The following ADAMTS3 variants were observed in gnomAD, a reference collection of about 807,000 sequenced individuals.
ADAMTS3 encodes the protein ADAM metallopeptidase with thrombospondin type 1 motif 3.
ADAMTS3 carries 73 observed loss-of-function variants against 129.0 expected under a neutral mutation model. That is an observed-to-expected ratio of 0.57 (90% confidence interval 0.47 to 0.69). The LOEUF (loss-of-function observed/expected upper bound fraction) is 0.69. ADAMTS3 is among the 30% of genes least tolerant of loss of function. The pLI is 0.00. For missense variants in ADAMTS3, 1,457 were observed against 1,514.5 expected (o/e 0.96, Z 0.63); for synonymous variants, 477 against 510.8 (o/e 0.93, Z 0.89).
At chr4:72,290,035 C>G (rs1230805253) in intron 20 of ADAMTS3, among the ~76,000 whole-genome samples, 1 of 152,176 alleles carries the variant, frequency 6.6e-6, no homozygotes, top group African/African-American at 2.4e-5. Flanking sequence ...CTCCTATAAA[C>G]TATTCTCCTA....
intron 3 of ADAMTS3, among the ~76,000 whole-genome samples, chr4:72,436,302 T>A (rs1054616475): frequency 3.3e-5 from 5 of 152,154 alleles, no homozygotes; most frequent in African/African-American, 1.2e-4. Flanking sequence ...AAAACCATAA[T>A]GAGATACCAT....
chr4:72,412,556 A>T (rs2109923187), intron 4 of ADAMTS3, among the ~76,000 whole-genome samples: 2 of 152,180 alleles, frequency 1.3e-5, no homozygotes, highest in South Asian at 4.1e-4. Context: ...TGCACTTCTA[A>T]CATATATGGT....
intron 4 of ADAMTS3, among the ~76,000 whole-genome samples, chr4:72,405,635 C>T (rs1722031674): frequency 6.6e-6 from 1 of 151,994 alleles, no homozygotes; most frequent in Admixed American, 6.6e-5. Context: ...AGTCATTAGT[C>T]TGGATTAGTG....
At chr4:72,388,297 G>A (rs1721498646) in intron 4 of ADAMTS3, among the ~76,000 whole-genome samples, 1 of 152,186 alleles carries the variant, frequency 6.6e-6, no homozygotes, top group African/African-American at 2.4e-5. Flanking sequence ...CCACTATTGT[G>A]TTTTGGTCTA....
At chr4:72,480,363 C>T (rs1316086962) in intron 3 of ADAMTS3, among the ~76,000 whole-genome samples, 2 of 152,016 alleles carry the variant, frequency 1.3e-5, no homozygotes, top group Admixed American at 6.6e-5. Context: ...TACTATGCAG[C>T]CATAAAAAAG....
At chr4:72,466,184 C>G (rs749962441) in intron 3 of ADAMTS3, among the ~76,000 whole-genome samples, 6 of 152,028 alleles carry the variant, frequency 3.9e-5, no homozygotes, top group Non-Finnish European at 7.4e-5. Context: ...GAGAAAGCAT[C>G]TCAGGAAGGT....
chr4:72,561,343 T>C (rs1318709589), intron 2 of ADAMTS3, among the ~76,000 whole-genome samples: 2 of 150,676 alleles, frequency 1.3e-5, no homozygotes, highest in African/African-American at 4.9e-5. Flanking sequence ...TGAGACTCTG[T>C]CTCAAAAAGA....
intron 6 of ADAMTS3, 77 bp downstream of exon 6, chr4:72,322,937 T>G (rs1296256767): frequency 3.5e-6 from 4 of 1,149,278 alleles, no homozygotes; most frequent in Non-Finnish European, 5.2e-6. Context: ...TTAAGTTAGA[T>G]GTAGCTTGAA....
At chr4:72,526,066 T>C (rs1720798430) in intron 3 of ADAMTS3, among the ~76,000 whole-genome samples, 1 of 152,138 alleles carries the variant, frequency 6.6e-6, no homozygotes, top group African/African-American at 2.4e-5. Flanking sequence ...AGGAAATTGC[T>C]GTGCTGCTCC....
chr4:72,442,521 G>C (rs7661739), intron 3 of ADAMTS3, among the ~76,000 whole-genome samples: 2,507 of 151,742 alleles, frequency 0.017, 62 homozygotes, highest in African/African-American at 0.057. Flanking sequence ...TAAACGACCA[G>C]ATCTCACTCA....
intron 3 of ADAMTS3, among the ~76,000 whole-genome samples, chr4:72,497,605 G>A (rs1417742347): frequency 6.6e-6 from 1 of 151,278 alleles, no homozygotes; most frequent in East Asian, 1.9e-4. Context: ...GTTTTTTAAG[G>A]AAAGTATATT....
intron 4 of ADAMTS3, among the ~76,000 whole-genome samples, chr4:72,360,556 T>C (rs1720695909): frequency 6.6e-6 from 1 of 151,940 alleles, no homozygotes; most frequent in Non-Finnish European, 1.5e-5. Context: ...AATTTACAAT[T>C]TTACGTAAAT....
chr4:72,453,413 A>C (rs950673451), intron 3 of ADAMTS3, among the ~76,000 whole-genome samples: 4 of 151,736 alleles, frequency 2.6e-5, no homozygotes, highest in African/African-American at 7.3e-5. Context: ...TATTCCAAGT[A>C]TTTTACATAT....
chr4:72,362,527 T>G (rs558891319), intron 4 of ADAMTS3, among the ~76,000 whole-genome samples: 34 of 152,300 alleles, frequency 2.2e-4, no homozygotes, highest in African/African-American at 8.2e-4. Context: ...ATTTCCATTT[T>G]CTTTCTGGAA....
chr4:72,381,185 A>G (rs1721279791), intron 4 of ADAMTS3, among the ~76,000 whole-genome samples: 1 of 152,194 alleles, frequency 6.6e-6, no homozygotes, highest in Non-Finnish European at 1.5e-5. Flanking sequence ...GATTGTGACA[A>G]ATTCTAATAA....
At chr4:72,321,655 T>C (rs1297772531) in intron 6 of ADAMTS3, among the ~76,000 whole-genome samples, 1 of 152,174 alleles carries the variant, frequency 6.6e-6, no homozygotes, top group Non-Finnish European at 1.5e-5. Context: ...GTTTATTTTT[T>C]ACGATCCAGA....
chr4:72,339,087 T>C (rs942877725), intron 5 of ADAMTS3, among the ~76,000 whole-genome samples: 1 of 152,204 alleles, frequency 6.6e-6, no homozygotes, highest in African/African-American at 2.4e-5. Flanking sequence ...TAAATCATTC[T>C]ATATCATCCT....
chr4:72,332,494 C>T (rs535423650), intron 5 of ADAMTS3, among the ~76,000 whole-genome samples: 7 of 152,076 alleles, frequency 4.6e-5, no homozygotes, highest in African/African-American at 1.7e-4. Context: ...TTTATAATTT[C>T]GTAGAAGTCC....
chr4:72,425,638 T>C (rs1245302160), intron 3 of ADAMTS3, among the ~76,000 whole-genome samples: 1 of 152,188 alleles, frequency 6.6e-6, no homozygotes, highest in Admixed American at 6.5e-5. Flanking sequence ...TCCAGCTTCA[T>C]CCACGTCCCT....
Sources: allele counts gnomAD v4.1 joint callset (sites outside exome capture counted in the v4.1 genomes callset), GRCh38; gene constraint gnomAD v4.1.1; transcripts MANE v1.5; gene names NCBI Gene and HGNC (gene_info 2026-07-23, HGNC 2026-07-21).